KHDRBS2: variants seen among roughly 807,000 people sequenced by gnomAD.
KHDRBS2 encodes the protein KH domain-containing, RNA-binding, signal transduction-associated protein 2.
A neutral mutation model predicts 44.3 loss-of-function variants in KHDRBS2; 26 were observed. The observed-to-expected ratio is 0.59, with a 90% confidence interval of 0.43 to 0.81. The LOEUF (loss-of-function observed/expected upper bound fraction) is 0.81. KHDRBS2 is among the 40% of genes least tolerant of loss of function. The pLI, the probability that KHDRBS2 is intolerant of heterozygous loss-of-function variation, is 0.00. For missense variants in KHDRBS2, 476 were observed against 433.1 expected (o/e 1.10, Z -0.88); for synonymous variants, 194 against 151.1 (o/e 1.28, Z -2.08).
chr6:62,117,836 C>T (rs987922809), intron 2 of KHDRBS2, among the ~76,000 whole-genome samples: 7 of 151,864 alleles, frequency 4.6e-5, no homozygotes, highest in East Asian at 1.9e-4. Flanking sequence ...AGTGCAGTGG[C>T]GTGATCTCAG....
the KHDRBS2 span, chr6:61,574,187 G>A: frequency 9.3e-6 from 6 of 641,800 alleles, no homozygotes; most frequent in Admixed American, 5.3e-5. Flanking sequence ...ATCTTACCCC[G>A]CCTGTTTACC....
chr6:61,662,552 GA>G, the KHDRBS2 span, among the ~76,000 whole-genome samples: 5 of 151,294 alleles, frequency 3.3e-5, no homozygotes, highest in African/African-American at 4.9e-5. Flanking sequence ...AAATTTACAA[GA>G]AAAAAAACAA....
chr6:61,910,946 G>T (rs1033733034), intron 4 of KHDRBS2, among the ~76,000 whole-genome samples: 39 of 152,002 alleles, frequency 2.6e-4, no homozygotes, highest in Non-Finnish European at 5.4e-4. Flanking sequence ...GTCAAAATAG[G>T]CGTTGATTTA....
chr6:61,983,022 A>T (rs1451925756), intron 3 of KHDRBS2, among the ~76,000 whole-genome samples: 2 of 151,866 alleles, frequency 1.3e-5, no homozygotes. Flanking sequence ...CTTATTGAAT[A>T]TTCTTATTTT....
chr6:62,124,231 T>A (rs1446421304), intron 2 of KHDRBS2, among the ~76,000 whole-genome samples: 7 of 152,200 alleles, frequency 4.6e-5, no homozygotes, highest in African/African-American at 1.4e-4. Context: ...AAATGTGTAC[T>A]TAGAACCTCA....
At chr6:61,656,885 T>A in the KHDRBS2 span, among the ~76,000 whole-genome samples, 1 of 152,020 alleles carries the variant, frequency 6.6e-6, no homozygotes, top group Non-Finnish European at 1.5e-5. Flanking sequence ...CCACCCAATA[T>A]GAATTAAACT....
chr6:61,701,686 GACAAAACAAA>G lies in KHDRBS2; in HGVS notation c.894-4443_894-4434del, dbSNP rs902463112. Among the ~76,000 whole-genome samples, 12 of 151,980 alleles carry G rather than the reference GACAAAACAAA, an allele frequency of 7.9e-5. No individual in the cohort carries two copies. The Middle Eastern group carries it at 0.01, about 129-fold the overall frequency. ...GGTTGCCAGATGCGCTTATTAAAAAGACAAAACAAAACAAAACAAAACAAAACATTTCACT... is the reference window on the plus strand; with the variant it reads ...GGTTGCCAGATGCGCTTATTAAAAAGACAAAACAAAACAAAACATTTCACT... On this transcript the variant is annotated intron_variant, in intron 7 of 8. Transcript: ENST00000281156.
At chr6:61,602,213 A>G in the KHDRBS2 span, among the ~76,000 whole-genome samples, 1 of 152,190 alleles carries the variant, frequency 6.6e-6, no homozygotes, top group Non-Finnish European at 1.5e-5. Flanking sequence ...GTACAGTAAT[A>G]GAGTAGAGGC....
chr6:61,936,996 T>C (rs1346615950), intron 4 of KHDRBS2, among the ~76,000 whole-genome samples: 32 of 152,072 alleles, frequency 2.1e-4, no homozygotes, highest in Admixed American at 2.1e-3. Context: ...AATTTTTTTA[T>C]AAAATATGTT....
intron 2 of KHDRBS2, among the ~76,000 whole-genome samples, chr6:62,176,158 G>A (rs1382488789): frequency 1.3e-5 from 2 of 151,114 alleles, no homozygotes; most frequent in African/African-American, 4.8e-5. Context: ...TTCTAAGACT[G>A]CCCAATTTAA....
the KHDRBS2 span, among the ~76,000 whole-genome samples, chr6:61,650,057 T>C: frequency 1.3e-5 from 2 of 152,144 alleles, no homozygotes; most frequent in East Asian, 3.9e-4. Context: ...ACAGGCTCAA[T>C]GACTCATGCA....
chr6:62,062,779 A>G (rs1381431634), intron 2 of KHDRBS2, among the ~76,000 whole-genome samples: 1 of 148,096 alleles, frequency 6.8e-6, no homozygotes, highest in Non-Finnish European at 1.5e-5. Flanking sequence ...AACGAAAATC[A>G]GAGCAGAACT....
At chr6:62,140,089 C>T (rs1407406623) in intron 2 of KHDRBS2, among the ~76,000 whole-genome samples, 1 of 152,180 alleles carries the variant, frequency 6.6e-6, no homozygotes, top group Middle Eastern at 3.2e-3. Flanking sequence ...TCTTTTCCTT[C>T]ACTATTACTT....
chr6:61,560,741 G>T, the KHDRBS2 span, among the ~76,000 whole-genome samples: 2 of 151,992 alleles, frequency 1.3e-5, no homozygotes, highest in African/African-American at 2.4e-5. Flanking sequence ...ATTTCATTAA[G>T]TTTTCTTAAC....
At chr6:61,864,006 T>A (rs956524045) in intron 6 of KHDRBS2, among the ~76,000 whole-genome samples, 18 of 152,250 alleles carry the variant, frequency 1.2e-4, no homozygotes, top group African/African-American at 4.1e-4. Context: ...ATAGTTAGGT[T>A]TTTTTGTTGA....
At chr6:61,913,789 CTGT>C (rs1806471972) in intron 4 of KHDRBS2, among the ~76,000 whole-genome samples, 5 of 152,000 alleles carry the variant, frequency 3.3e-5, no homozygotes, top group African/African-American at 1.2e-4. Flanking sequence ...GAAAAGGAGT[CTGT>C]CATGTGTGGA....
intron 2 of KHDRBS2, among the ~76,000 whole-genome samples, chr6:62,078,916 G>A (rs1055287990): frequency 3.9e-5 from 6 of 151,982 alleles, no homozygotes; most frequent in Non-Finnish European, 1.5e-5. Context: ...TCTTAGAGAA[G>A]TCAGCTATAT....
At chr6:61,734,309 T>C (rs772334135) in intron 6 of KHDRBS2, among the ~76,000 whole-genome samples, 3 of 152,080 alleles carry the variant, frequency 2.0e-5, no homozygotes, top group Non-Finnish European at 4.4e-5. Context: ...TGTTCTAAAG[T>C]TAATTTTAGT....
chr6:62,208,491 C>T (rs1202594231), intron 1 of KHDRBS2, among the ~76,000 whole-genome samples: 2 of 152,094 alleles, frequency 1.3e-5, no homozygotes, highest in East Asian at 1.9e-4. Context: ...CTGATGGACA[C>T]TGAGGTAGTT....
Sources: allele counts gnomAD v4.1 joint callset (sites outside exome capture counted in the v4.1 genomes callset), GRCh38; gene constraint gnomAD v4.1.1; transcripts MANE v1.5; gene names NCBI Gene and HGNC (gene_info 2026-07-23, HGNC 2026-07-21).